The following CDH18 variants were observed in gnomAD, a reference collection of about 807,000 sequenced individuals.
The protein encoded by CDH18 is cadherin 18, also known as cadherin-18.
In CDH18, 31 loss-of-function variants were observed where a neutral mutation model predicts 67.9. The ratio of observed to expected loss-of-function variants is 0.46; its 90% CI spans 0.34 to 0.62. The LOEUF (loss-of-function observed/expected upper bound fraction) is 0.62. Ranked by LOEUF, CDH18 falls within the 20% of genes least tolerant of loss-of-function variation. The pLI, the probability that CDH18 is intolerant of heterozygous loss-of-function variation, is 0.01. For missense variants in CDH18, 890 were observed against 975.5 expected, an observed-to-expected ratio of 0.91 and a Z score of 1.17; for synonymous variants, 362 against 347.2, an observed-to-expected ratio of 1.04 and a Z score of -0.48.
chr5:19,767,402 C>T (rs571199681), intron 3 of CDH18, among the ~76,000 whole-genome samples: 18 of 151,540 alleles, frequency 1.2e-4, no homozygotes, highest in Admixed American at 2.0e-4. Flanking sequence ...TAGTAGAAAA[C>T]GTCATGAAGG....
chr5:19,883,870 A>T (rs1787921723), intron 2 of CDH18, among the ~76,000 whole-genome samples: 1 of 152,124 alleles, frequency 6.6e-6, no homozygotes, highest in Non-Finnish European at 1.5e-5. Flanking sequence ...TTTGCTTAGT[A>T]TAATGCTAAT....
chr5:20,138,227 CAA>C (rs1194478610), intron 2 of CDH18, among the ~76,000 whole-genome samples: 1 of 152,056 alleles, frequency 6.6e-6, no homozygotes, highest in Non-Finnish European at 1.5e-5. Context: ...GTGATTGTCT[CAA>C]TAGATGAAGA....
At chr5:19,612,704 T>G in intron 5 of CDH18, 103 bp from the exon 6 acceptor site, 1 of 881,404 alleles carries the variant, frequency 1.1e-6, no homozygotes. Flanking sequence ...AAATAGCATA[T>G]TTTTGGGATA....
chr5:19,830,956 G>A (rs1256864466), intron 3 of CDH18, among the ~76,000 whole-genome samples: 2 of 152,016 alleles, frequency 1.3e-5, no homozygotes, highest in African/African-American at 2.4e-5. Flanking sequence ...CATACTTCAT[G>A]TTCTCATTTA....
At chr5:19,928,570 T>C (rs1307725117) in intron 2 of CDH18, among the ~76,000 whole-genome samples, 3 of 152,146 alleles carry the variant, frequency 2.0e-5, no homozygotes. Context: ...TACAGGAATG[T>C]AACATACATA....
At chr5:20,237,111 T>C (rs936760113) in intron 2 of CDH18, among the ~76,000 whole-genome samples, 1 of 151,964 alleles carries the variant, frequency 6.6e-6, no homozygotes, top group Non-Finnish European at 1.5e-5. Context: ...GGGGCTTTAA[T>C]AAAACCCACT....
At chr5:20,462,589 C>T (rs1261407326) in intron 1 of CDH18, among the ~76,000 whole-genome samples, 1 of 152,132 alleles carries the variant, frequency 6.6e-6, no homozygotes, top group Non-Finnish European at 1.5e-5. Flanking sequence ...ATGCATGTAT[C>T]AAACTATCAT....
chr5:20,098,574 A>G (rs569520959), intron 2 of CDH18, among the ~76,000 whole-genome samples: 27 of 152,246 alleles, frequency 1.8e-4, no homozygotes, highest in African/African-American at 6.3e-4. Flanking sequence ...ACTTCTAAAA[A>G]TGTGCCATGA....
At chr5:19,529,347 C>T (rs920091743) in intron 9 of CDH18, among the ~76,000 whole-genome samples, 21 of 151,980 alleles carry the variant, frequency 1.4e-4, no homozygotes, top group African/African-American at 3.4e-4. Flanking sequence ...TCAACCTGAA[C>T]AAAACTGTAA....
intron 1 of CDH18, among the ~76,000 whole-genome samples, chr5:20,494,052 C>T (rs1753757703): frequency 6.6e-6 from 1 of 151,932 alleles, no homozygotes; most frequent in Admixed American, 6.6e-5. Context: ...GAGTTTAAGA[C>T]CAGCCTGGCC....
chr5:19,976,873 A>C (rs890751529), intron 2 of CDH18, among the ~76,000 whole-genome samples: 1 of 152,152 alleles, frequency 6.6e-6, no homozygotes, highest in African/African-American at 2.4e-5. Flanking sequence ...TGTTTTGTAG[A>C]GATTTTAATG....
intron 1 of CDH18, among the ~76,000 whole-genome samples, chr5:20,466,746 T>C (rs1398187119): frequency 6.6e-6 from 1 of 152,118 alleles, no homozygotes; most frequent in East Asian, 1.9e-4. Flanking sequence ...ATGTGAGACA[T>C]GCAGTTTGGT....
At chr5:20,102,215 AGTGTGTGTGTGTGTGTGT>A (rs56036253) in intron 2 of CDH18, among the ~76,000 whole-genome samples, 15 of 148,778 alleles carry the variant, frequency 1.0e-4, no homozygotes, top group African/African-American at 2.0e-4. Flanking sequence ...TGTTATGTGC[AGTGTGTGTGTGTGTGTGT>A]GTGTGTGTGT....
At chr5:19,992,368 T>C (rs183226133), upstream of CDH18, among the ~76,000 whole-genome samples, 451 of 151,018 alleles carry the variant, frequency 3.0e-3, 3 homozygotes, top group African/African-American at 0.01. Flanking sequence ...GACACTGAGT[T>C]CCAAAATAAG....
intron 2 of CDH18, among the ~76,000 whole-genome samples, chr5:19,949,657 T>C (rs1354832338): frequency 6.6e-6 from 1 of 152,180 alleles, no homozygotes; most frequent in Non-Finnish European, 1.5e-5. Flanking sequence ...AAAAAGATTA[T>C]GAAAAATTTT....
chr5:20,401,885 T>C (rs1745800695), intron 1 of CDH18, among the ~76,000 whole-genome samples: 1 of 152,202 alleles, frequency 6.6e-6, no homozygotes, highest in Admixed American at 6.5e-5. Context: ...TTATGTCATA[T>C]TAATCCCTTG....
At chr5:19,787,298 C>A in intron 3 of CDH18, among the ~76,000 whole-genome samples, 1 of 151,960 alleles carries the variant, frequency 6.6e-6, no homozygotes, top group East Asian at 1.9e-4. Flanking sequence ...ACTAAAAATA[C>A]AAAATTAGCC....
rs117411502 is a variant in CDH18 at position 19,645,371 on chromosome 5, T to A, written c.644-32770A>T. The stretch of plus-strand genomic sequence containing the variant: ...AGCAAACTGCAAAGCTAGAGGGAAC[T>A]AGTGGAGTCCAAGAACCTTAGGAGC... On this transcript the variant is annotated intron_variant, in intron 5 of 12. Transcript: ENST00000382275. Among the ~76,000 whole-genome samples the A allele has an allele frequency of 4.7e-4, 71 of 152,186 alleles. No individual in the cohort carries two copies. In the East Asian group the frequency reaches 0.014, roughly 29 times the overall value.
intron 11 of CDH18, among the ~76,000 whole-genome samples, chr5:19,495,007 C>T (rs1175959046): frequency 1.3e-5 from 2 of 152,126 alleles, no homozygotes; most frequent in Non-Finnish European, 2.9e-5. Context: ...CTTTCATTAA[C>T]AGTTCGTACT....
Sources: allele counts gnomAD v4.1 joint callset (sites outside exome capture counted in the v4.1 genomes callset), GRCh38; gene constraint gnomAD v4.1.1; transcripts MANE v1.5; gene names NCBI Gene and HGNC (gene_info 2026-07-23, HGNC 2026-07-21).